Variants in CCDC80 observed in about 807,000 individuals in gnomAD.
CCDC80 encodes the protein coiled-coil domain-containing protein 80.
In CCDC80, 49 loss-of-function variants were observed where a neutral mutation model predicts 78.7. The ratio of observed to expected loss-of-function variants is 0.62; its 90% CI spans 0.50 to 0.79. The LOEUF is 0.79. Ranked by LOEUF, CCDC80 falls within the 30% of genes least tolerant of loss-of-function variation. The pLI is 0.00. For missense variants in CCDC80, 1,205 were observed against 1,198.6 expected (o/e 1.01, Z -0.08); for synonymous variants, 488 against 447.0 (o/e 1.09, Z -1.16).
At chr3:112,626,005 T>C (rs1295334464) in intron 3 of CCDC80, among the ~76,000 whole-genome samples, 2 of 152,210 alleles carry the variant, frequency 1.3e-5, no homozygotes, top group Non-Finnish European at 2.9e-5. Flanking sequence ...CAATACCTTA[T>C]CTGATGACTA....
chr3:112,614,923 A>C (rs747508921), intron 5 of CCDC80, among the ~76,000 whole-genome samples: 3 of 152,234 alleles, frequency 2.0e-5, no homozygotes, highest in Non-Finnish European at 4.4e-5. Context: ...CAATAGTCAC[A>C]GTATTTAGCT....
chr3:112,636,943 G>A (rs890569423), intron 2 of CCDC80, among the ~76,000 whole-genome samples: 9 of 152,190 alleles, frequency 5.9e-5, no homozygotes, highest in Non-Finnish European at 1.0e-4. Flanking sequence ...AGATCCAGGG[G>A]TGGAAATTTT....
intron 3 of CCDC80, among the ~76,000 whole-genome samples, chr3:112,622,678 T>A (rs1374784816): frequency 6.6e-6 from 1 of 152,106 alleles, no homozygotes; most frequent in African/African-American, 2.4e-5. Context: ...ATTTTTGAGA[T>A]GGAGTCTTGC....
In CCDC80 at chr3:112,599,510, A is replaced by G. The variant is rs1935338871; in HGVS notation, c.*5907T>C. On this transcript the variant is annotated 3_prime_UTR_variant, in exon 8 of 8. Coordinates refer to ENST00000206423, the MANE Select transcript of CCDC80 (RefSeq NM_199511.3). ...ACAGCCAAGGAAGAGAAAGGAAAGA[A>G]AAGCAATCCGGCAGGGAGATCAGGG... 1 of 152,490 alleles carries G rather than the reference A, an allele frequency of 6.6e-6. No individual in the cohort carries two copies. The highest frequency in any genetic ancestry group is 2.4e-5 in the African/African-American group (1 of 41,460). 9.4% of individuals were successfully genotyped at this position (152,490 alleles called of 1,614,324 possible).
Position 112,638,150 on chromosome 3 carries a change from T to G in CCDC80, c.1756A>C (p.Lys586Gln). 6.2e-7 allele frequency: 1 copy of G among 1,614,170 alleles called. No homozygotes were observed. Residue 586 changes from lysine (K) to glutamine (Q), a missense_variant, in exon 2 of 8, where the codon AAA becomes CAA. Coordinates refer to ENST00000206423, the MANE Select transcript of CCDC80 (RefSeq NM_199511.3). ...SKQEKEKSKK[K>Q]KGGKTEQDGY... Reference sequence around the variant, plus strand: ...TCCTGTTCTGTTTTACCTCCTTTTTTCTTCTTGCTCTTCTCTTTCTCTTGC... The same window carrying G: ...TCCTGTTCTGTTTTACCTCCTTTTTGCTTCTTGCTCTTCTCTTTCTCTTGC...
In CCDC80 at chr3:112,607,219, A is replaced by C. The variant is rs1221377887; in HGVS notation, c.2463T>G (p.Val821=). Residue 821 remains valine (V), a synonymous_variant, in exon 7 of 8, where the codon GTT becomes GTG. Coordinates refer to ENST00000206423, the MANE Select transcript of CCDC80 (RefSeq NM_199511.3). ...CTAACACTCCCCCAACTTCCTCTCC[A>C]ACGCCTAAAAGCTTCAGAATGGTTA... is the stretch of plus-strand genomic sequence containing the variant. ...RHITILKLLG[V]GEEVGGVLEL... The C allele has an allele frequency of 1.2e-6, 2 of 1,613,882 alleles. No homozygotes were observed. Among genetic ancestry groups the C allele is most frequent in the East Asian group, 4.5e-5 (2 of 44,888 alleles).
At position 112,599,089 on chromosome 3, in the gene CCDC80, T is replaced by A. The variant is rs954351959; in HGVS notation, c.*6328A>T. The A allele has an allele frequency of 1.3e-5, 2 of 152,136 alleles. No homozygotes were observed. The highest frequency in any genetic ancestry group is 2.9e-5 in the Non-Finnish European group (2 of 68,046). 9.4% of individuals were successfully genotyped at this position (152,136 alleles called of 1,614,324 possible). On this transcript the variant is annotated 3_prime_UTR_variant, in exon 8 of 8. Transcript: ENST00000206423. ...TCACAAATGTCACAAACTTAGGAAC[T>A]TAGGTATCTAGTCTTCTCTGTCATT...
intron 2 of CCDC80, among the ~76,000 whole-genome samples, chr3:112,631,111 C>A (rs1210420060): frequency 2.0e-5 from 3 of 152,120 alleles, no homozygotes; most frequent in South Asian, 2.1e-4. Context: ...GTAAGGATAA[C>A]CCTACTTTTA....
chr3:112,635,584 G>T (rs1936191705), intron 2 of CCDC80, among the ~76,000 whole-genome samples: 1 of 152,154 alleles, frequency 6.6e-6, no homozygotes, highest in South Asian at 2.1e-4. Flanking sequence ...ATTTCATTTG[G>T]TCTTTTCTAA....
intron 3 of CCDC80, among the ~76,000 whole-genome samples, chr3:112,627,645 C>T (rs1936003592): frequency 6.6e-6 from 1 of 152,206 alleles, no homozygotes; most frequent in Non-Finnish European, 1.5e-5. Flanking sequence ...GAGCCCATGG[C>T]TCATGCCAAT....
intron 4 of CCDC80, among the ~76,000 whole-genome samples, chr3:112,617,254 A>G (rs1223263994): frequency 6.6e-6 from 1 of 152,246 alleles, no homozygotes; most frequent in Non-Finnish European, 1.5e-5. Context: ...TCAAGTGTGT[A>G]ACCTGAGCAA....
chr3:112,641,138 AAGGCTGTTCTTTGGGGT>A (rs1388475346), exon 1 of CCDC80: 10 of 152,220 alleles, frequency 6.6e-5, no homozygotes, highest in East Asian at 1.9e-3. Context: ...GAGGAGTGAG[AAGGCTGTTCTTTGGGGT>A]GGGGTAAAGT....
rs573575945 is a variant in CCDC80 at position 112,623,126 on chromosome 3, T to G, written c.2036-4022A>C. 7.7e-4 allele frequency among the ~76,000 whole-genome samples: 118 copies of G among 152,326 alleles called. 1 individual carries two copies. The highest frequency in any genetic ancestry group is 2.8e-3 in the African/African-American group (116 of 41,574). On this transcript the variant is annotated intron_variant, in intron 3 of 7. Transcript: ENST00000206423. ...CCCAGGGAAGGTGAACTCTGTTATG[T>G]GCTGATAAGGTCTGGCCCTAGTAGT...
chr3:112,607,291 A>G lies in CCDC80; in HGVS notation c.2426-35T>C, dbSNP rs568738474. On this transcript the variant is annotated intron_variant, in intron 6 of 7. Coordinates refer to ENST00000206423, the MANE Select transcript of CCDC80 (RefSeq NM_199511.3). ...AAAAGAAAACCATAGGATTAGAGGA[A>G]AGGATTAGAAGTTATCTTTTACTTC... 22 of 1,506,364 alleles carry G rather than the reference A, an allele frequency of 1.5e-5. No individual in the cohort carries two copies. In the South Asian group the frequency reaches 2.5e-4, roughly 17 times the overall value. 93.3% of individuals were successfully genotyped at this position (1,506,364 alleles called of 1,614,324 possible).
rs545995163 is a variant in CCDC80, at chr3:112,617,340, A to C, written c.2173-482T>G. On this transcript the variant is annotated intron_variant, in intron 4 of 7. Transcript: ENST00000206423. ...ACTGAGTAAACATCACTTAATATTA[A>C]GTCATTTTTGTTCACCTATTCTCAG... Among the ~76,000 whole-genome samples, 76 of 152,348 alleles carry C rather than the reference A, an allele frequency of 5.0e-4. 1 individual carries two copies. Among genetic ancestry groups the C allele is most frequent in the Admixed American group, 2.7e-3 (41 of 15,300 alleles).
chr3:112,613,976 G>A (rs552848812), intron 5 of CCDC80, among the ~76,000 whole-genome samples: 9 of 152,040 alleles, frequency 5.9e-5, no homozygotes, highest in African/African-American at 1.9e-4. Flanking sequence ...ATTAGAATGT[G>A]TAATTAAGTA....
At position 112,600,587 on chromosome 3, in the gene CCDC80, G is replaced by A. The variant is rs755944992; in HGVS notation, c.*4830C>T. On this transcript the variant is annotated 3_prime_UTR_variant, in exon 8 of 8. Transcript: ENST00000206423. ...CACGATCACGGCACACTGAAGCCTC[G>A]ACCTCCTAGGCTCAAGCGATTCTCT... 2.0e-5 allele frequency: 3 copies of A among 151,922 alleles called. No homozygotes were observed. The highest frequency in any genetic ancestry group is 2.0e-4 in the Admixed American group (3 of 15,230). 9.4% of individuals were successfully genotyped at this position (151,922 alleles called of 1,614,324 possible).
Position 112,638,255 on chromosome 3 carries a change from T to C in CCDC80, c.1651A>G (p.Lys551Glu). Residue 551 changes from lysine (K) to glutamate (E), a missense_variant, in exon 2 of 8, where the codon AAA becomes GAA. Coordinates refer to ENST00000206423, the MANE Select transcript of CCDC80 (RefSeq NM_199511.3). ...GCGTTCTCATTCTTCATCTTTTTTT[T>C]CTTCTCCTTCTCTGGTTTCTCAAGC... ...EKLEKPEKEKKKKMKNENADK... is the reference protein window; with the variant it reads ...EKLEKPEKEKEKKMKNENADK... 1 of 1,613,916 alleles carries C rather than the reference T, an allele frequency of 6.2e-7. No individual in the cohort carries two copies. Among genetic ancestry groups the C allele is most frequent in the South Asian group, 1.1e-5 (1 of 91,080 alleles).
At chr3:112,637,993 G>A (rs1179470618) in intron 2 of CCDC80, 35 bp downstream of exon 2, 2 of 1,564,370 alleles carry the variant, frequency 1.3e-6, no homozygotes, top group South Asian at 1.2e-5. Context: ...CCCTGCCTCA[G>A]CCCATAGAAG....
Sources: gnomAD v4.1 joint callset for allele counts (sites outside exome capture counted in the v4.1 genomes callset) on GRCh38, gnomAD v4.1.1 for gene constraint, MANE v1.5 for transcripts, NCBI Gene and HGNC (gene_info 2026-07-23, HGNC 2026-07-21) for gene names.